GLI2: variants seen among roughly 807,000 people sequenced by gnomAD.
GLI2 encodes the protein transcription activator GLI2.
A neutral mutation model predicts 78.9 loss-of-function variants in GLI2; 22 were observed. That is an observed-to-expected ratio of 0.28 (90% CI 0.20 to 0.40). The LOEUF (loss-of-function observed/expected upper bound fraction) is 0.40. Ranked by LOEUF, GLI2 falls within the 10% of genes least tolerant of loss-of-function variation. The probability of loss-of-function intolerance (pLI) is 1.00; values close to 1 mark genes in which losing one functional copy is unlikely to be tolerated. For synonymous variants in GLI2, 974 were observed against 963.7 expected, an observed-to-expected ratio of 1.01 and a Z score of -0.20; for missense variants, 2,097 against 2,213.2, an observed-to-expected ratio of 0.95 and a Z score of 1.05.
At chr2:120,798,448 C>T (rs945150081) in intron 2 of GLI2, among the ~76,000 whole-genome samples, 3 of 152,224 alleles carry the variant, frequency 2.0e-5, no homozygotes, top group Admixed American at 6.5e-5. Context: ...CATGGAAAGA[C>T]CCTCGGAGGG....
chr2:120,841,849 GT>G (rs1362304310), intron 2 of GLI2, among the ~76,000 whole-genome samples: 38 of 56,190 alleles, frequency 6.8e-4, no homozygotes, highest in East Asian at 1.2e-3. Flanking sequence ...AGTCTGGAGG[GT>G]GTGTGTGTGT....
At chr2:120,802,812 C>G (rs929177081) in intron 2 of GLI2, among the ~76,000 whole-genome samples, 1 of 152,230 alleles carries the variant, frequency 6.6e-6, no homozygotes. Flanking sequence ...ACCTCTTCCA[C>G]GAAGCATCCA....
intron 3 of GLI2, among the ~76,000 whole-genome samples, chr2:120,949,275 G>A (rs1680865874): frequency 6.6e-6 from 1 of 152,258 alleles, no homozygotes; most frequent in Non-Finnish European, 1.5e-5. Flanking sequence ...TCTACAGGCA[G>A]GCTGTGAGTG....
At chr2:120,874,649 T>C (rs1273835620) in intron 2 of GLI2, among the ~76,000 whole-genome samples, 1 of 152,234 alleles carries the variant, frequency 6.6e-6, no homozygotes, top group African/African-American at 2.4e-5. Flanking sequence ...TGCATTGTTT[T>C]CTCGGGGCTG....
intron 2 of GLI2, among the ~76,000 whole-genome samples, chr2:120,816,484 G>A (rs186642991): frequency 6.6e-6 from 1 of 151,538 alleles, no homozygotes; most frequent in East Asian, 2.0e-4. Flanking sequence ...CATAAGCCAC[G>A]GCGCCCGGCC....
intron 2 of GLI2, among the ~76,000 whole-genome samples, chr2:120,820,742 G>A (rs1211966288): frequency 3.3e-5 from 5 of 152,132 alleles, no homozygotes; most frequent in Non-Finnish European, 7.4e-5. Context: ...GGAGAGGGTA[G>A]CTTTTTTTCT....
At chr2:120,975,183 G>A in intron 9 of GLI2, 74 bp downstream of exon 9, 3 of 1,456,912 alleles carry the variant, frequency 2.1e-6, no homozygotes, top group Non-Finnish European at 2.9e-6. Context: ...GCCTTCCAGG[G>A]CCTCTACTAG....
intron 1 of GLI2, among the ~76,000 whole-genome samples, chr2:120,740,431 G>A (rs913256710): frequency 1.7e-5 from 2 of 119,352 alleles, no homozygotes; most frequent in Non-Finnish European, 3.5e-5. Flanking sequence ...GCACATGTGT[G>A]TTGTTTAAAA....
At chr2:120,881,361 A>G (rs1677108363) in intron 2 of GLI2, among the ~76,000 whole-genome samples, 1 of 139,238 alleles carries the variant, frequency 7.2e-6, no homozygotes, top group African/African-American at 2.7e-5. Flanking sequence ...GTGGAGAAGG[A>G]CAGTGGCAGG....
intron 2 of GLI2, among the ~76,000 whole-genome samples, chr2:120,904,385 C>T (rs1201810819): frequency 6.6e-6 from 1 of 152,182 alleles, no homozygotes; most frequent in Non-Finnish European, 1.5e-5. Context: ...CTAAACTCTG[C>T]CTGCTCTGGT....
chr2:120,813,919 G>A (rs1490597088), intron 2 of GLI2, among the ~76,000 whole-genome samples: 4 of 152,122 alleles, frequency 2.6e-5, no homozygotes, highest in Non-Finnish European at 5.9e-5. Flanking sequence ...AAGGATTCTG[G>A]TATACCTGGT....
chr2:120,802,085 A>C (rs1308130312), intron 2 of GLI2, among the ~76,000 whole-genome samples: 1 of 152,134 alleles, frequency 6.6e-6, no homozygotes, highest in Non-Finnish European at 1.5e-5. Flanking sequence ...GCTCTCTTCC[A>C]AACAGCCAGT....
chr2:120,950,246 C>T (rs1446073897), intron 3 of GLI2, among the ~76,000 whole-genome samples: 1 of 152,252 alleles, frequency 6.6e-6, no homozygotes, highest in African/African-American at 2.4e-5. Flanking sequence ...TTCTAACACA[C>T]TCTCTTTTCT....
intron 1 of GLI2, among the ~76,000 whole-genome samples, chr2:120,744,310 G>T (rs1682636995): frequency 6.6e-6 from 1 of 152,184 alleles, no homozygotes; most frequent in Non-Finnish European, 1.5e-5. Context: ...TATATTTAGG[G>T]CTGGCCCTCG....
At chr2:120,887,901 A>G (rs1310884532) in intron 2 of GLI2, among the ~76,000 whole-genome samples, 1 of 152,202 alleles carries the variant, frequency 6.6e-6, no homozygotes, top group Non-Finnish European at 1.5e-5. Flanking sequence ...GAAGCTTGGG[A>G]CATGCATTCA....
chr2:120,784,164 G>T (rs1393423692), intron 1 of GLI2, among the ~76,000 whole-genome samples: 1 of 152,218 alleles, frequency 6.6e-6, no homozygotes, highest in East Asian at 1.9e-4. Context: ...TGCCAACTGT[G>T]TGCCAGGGGC....
At chr2:120,829,649 G>A (rs1253754778) in intron 2 of GLI2, among the ~76,000 whole-genome samples, 2 of 152,234 alleles carry the variant, frequency 1.3e-5, no homozygotes, top group Admixed American at 6.5e-5. Context: ...TCACCAATCC[G>A]TAATGCTGGT....
chr2:120,844,743 A>G (rs1687033450), intron 2 of GLI2, among the ~76,000 whole-genome samples: 2 of 149,924 alleles, frequency 1.3e-5, no homozygotes, highest in African/African-American at 4.9e-5. Context: ...TCTGCACCCC[A>G]AAGGGCACTT....
chr2:120,876,787 C>T (rs760997694), intron 2 of GLI2, among the ~76,000 whole-genome samples: 35 of 152,156 alleles, frequency 2.3e-4, no homozygotes, highest in South Asian at 1.0e-3. Flanking sequence ...GGGTCAGGCA[C>T]GTGGGGTCCG....
Sources: allele counts gnomAD v4.1 joint callset (sites outside exome capture counted in the v4.1 genomes callset), GRCh38; gene constraint gnomAD v4.1.1; transcripts MANE v1.5; gene names NCBI Gene and HGNC (gene_info 2026-07-23, HGNC 2026-07-21).